Variants in GMEB2 observed in about 807,000 individuals in gnomAD.
GMEB2 encodes the protein glucocorticoid modulatory element-binding protein 2.
A neutral mutation model predicts 45.7 loss-of-function variants in GMEB2; 7 were observed. That is an observed-to-expected ratio of 0.15 (90% CI 0.09 to 0.29). The LOEUF is 0.29. Among genes scored for constraint, GMEB2 ranks in the 10% least tolerant of loss-of-function variants. The pLI is 1.00. For missense variants in GMEB2, 582 were observed against 739.2 expected, an observed-to-expected ratio of 0.79 and a Z score of 2.47; for synonymous variants, 322 against 323.6, an observed-to-expected ratio of 1.00 and a Z score of 0.05.
At chr20:63,610,456 G>C (rs186298154) in intron 2 of GMEB2, among the ~76,000 whole-genome samples, 156 of 152,294 alleles carry the variant, frequency 1.0e-3, no homozygotes, top group Middle Eastern at 6.8e-3. Flanking sequence ...GGGAGGTGGA[G>C]GTTACAGTGA....
In GMEB2 at chr20:63,619,419, C is replaced by T. The variant is rs1318546399; in HGVS notation, c.-22G>A. The T allele has an allele frequency of 1.2e-6, 2 of 1,605,152 alleles. No individual in the cohort carries two copies. Among genetic ancestry groups the T allele is most frequent in the East Asian group, 4.5e-5 (2 of 44,808 alleles). ...CCATGGCTCAGCGGAAGGGGACGCC[C>T]AGGCCAGCAGCGTCAGTCCTCCAGG... On this transcript the variant is annotated 5_prime_UTR_variant, in exon 2 of 10. Transcript: ENST00000370077. This position sits in a 1 kb window ranked among gnomAD's most constrained non-coding sequence, Gnocchi z 4.6.
At chr20:63,602,884 A>G (rs1216235441) in intron 4 of GMEB2, 81 bp downstream of exon 4, 8 of 1,311,026 alleles carry the variant, frequency 6.1e-6, no homozygotes, top group African/African-American at 2.9e-5. Flanking sequence ...CTCAGGATGC[A>G]CTCAGCACAG....
intron 2 of GMEB2, among the ~76,000 whole-genome samples, chr20:63,616,597 C>T (rs1010406538): frequency 2.6e-5 from 4 of 152,218 alleles, no homozygotes; most frequent in African/African-American, 7.2e-5. Flanking sequence ...GACTGAGAGG[C>T]GGAGGCTGGC....
At chr20:63,622,034 C>G (rs1454336413) in intron 1 of GMEB2, among the ~76,000 whole-genome samples, 1 of 151,956 alleles carries the variant, frequency 6.6e-6, no homozygotes, top group African/African-American at 2.4e-5. Context: ...GAGGCTGAGG[C>G]AGGAGGATCA....
rs755513563 is a variant in GMEB2 at position 63,604,749 on chromosome 20, C to T, written c.223G>A (p.Val75Met). ...FTASSQLKEA[V>M]LVKMAEEGEN... ...ACCTAGGACGGCTTCCTACCTAACA[C>T]GGCTTCCTTGAGCTGGGAGGAGGCT... Residue 75 changes from valine (V) to methionine (M), a missense_variant, in exon 3 of 10, where the codon GTG becomes ATG. By Grantham distance (21) the Val-to-Met change is conservative. Transcript: ENST00000370077. 8.1e-6 allele frequency: 13 copies of T among 1,595,364 alleles called. No homozygotes were observed. Among genetic ancestry groups the T allele is most frequent in the East Asian group, 6.7e-5 (3 of 44,798 alleles).
chr20:63,607,199 G>A (rs2089526749), intron 2 of GMEB2, among the ~76,000 whole-genome samples: 1 of 119,110 alleles, frequency 8.4e-6, no homozygotes, highest in Non-Finnish European at 1.7e-5. Context: ...ATGCCCCTCT[G>A]ACCCACCTCC....
chr20:63,591,851 C>T (rs1237409501), intron 9 of GMEB2, among the ~76,000 whole-genome samples, 171 bp downstream of exon 9: 1 of 152,250 alleles, frequency 6.6e-6, no homozygotes, highest in Non-Finnish European at 1.5e-5. Flanking sequence ...GTCTGACTAC[C>T]TCACTTAAGC....
intron 2 of GMEB2, among the ~76,000 whole-genome samples, chr20:63,611,810 GAGTTCAAGACTAGC>G (rs2089572828): frequency 6.6e-6 from 1 of 151,790 alleles, no homozygotes; most frequent in African/African-American, 2.4e-5. Context: ...TTGAGTCCAG[GAGTTCAAGACTAGC>G]TTGGGCAACA....
At chr20:63,596,826 T>C (rs2083203806) in intron 5 of GMEB2, among the ~76,000 whole-genome samples, 1 of 152,200 alleles carries the variant, frequency 6.6e-6, no homozygotes, top group Non-Finnish European at 1.5e-5. Flanking sequence ...GAGACCAGCC[T>C]GGACAATATG....
chr20:63,605,705 A>G (rs2089513566), intron 2 of GMEB2, among the ~76,000 whole-genome samples: 1 of 151,776 alleles, frequency 6.6e-6, no homozygotes, highest in Admixed American at 6.6e-5. Flanking sequence ...CTGTAATCCC[A>G]GTACTTTGGG....
chr20:63,619,143 T>A lies in GMEB2; in HGVS notation c.131+124A>T. The A allele has an allele frequency of 4.2e-6, 4 of 958,926 alleles. No individual in the cohort carries two copies. Among genetic ancestry groups the A allele is most frequent in the Non-Finnish European group, 6.0e-6 (4 of 670,604 alleles). The allele number at this position is 958,926 out of a possible 1,614,324, so 59.4% of individuals were successfully genotyped here. A position where few individuals can be genotyped will look rare whatever the true frequency, so the allele number is the denominator to read the frequency against. On this transcript the variant is annotated intron_variant, in intron 2 of 9. Transcript: ENST00000370077. This position sits in a 1 kb window ranked among gnomAD's most constrained non-coding sequence, Gnocchi z 4.6. ...TACTTACACACACATTTGAGTCCAG[T>A]CTCAGAAGAACTGGAACTAGAAAAA...
At chr20:63,606,474 A>G (rs1254882141) in intron 2 of GMEB2, among the ~76,000 whole-genome samples, 1 of 151,732 alleles carries the variant, frequency 6.6e-6, no homozygotes. Context: ...CAGCCTCCCG[A>G]GTAGCTGGGA....
Position 63,590,719 on chromosome 20 carries a change from C to A in GMEB2, c.963G>T (p.Gln321His). 1 of 1,509,680 alleles carries A rather than the reference C, an allele frequency of 6.6e-7. No homozygotes were observed. 93.5% of individuals were successfully genotyped at this position (1,509,680 alleles called of 1,614,324 possible). A position where few individuals can be genotyped will look rare whatever the true frequency, so the allele number is the denominator to read the frequency against. Residue 321 changes from glutamine to histidine, a missense_variant, in exon 10 of 10, where the codon CAG becomes CAT. By Grantham distance (24) the Gln-to-His change is conservative. Around this residue, in one of 3 missense-constraint regions of GMEB2, gnomAD observed 462 missense variants for 586.7 expected, o/e 0.79. Transcript: ENST00000370077. ...QYARDLAALE[Q>H]QCDEHRRRAK... Reference sequence around the variant, plus strand: ...CTCGGCGACGATGCTCATCACACTGCTGCTCCAGGGCTGCAGGGAGGTACA... The same window carrying A: ...CTCGGCGACGATGCTCATCACACTGATGCTCCAGGGCTGCAGGGAGGTACA...
At chr20:63,597,499 G>A (rs1334176927) in intron 5 of GMEB2, among the ~76,000 whole-genome samples, 1 of 152,068 alleles carries the variant, frequency 6.6e-6, no homozygotes, top group East Asian at 1.9e-4. Context: ...AGTCACAAGT[G>A]CCTTCAGGTA....
intron 2 of GMEB2, among the ~76,000 whole-genome samples, chr20:63,607,563 C>T (rs199989853): frequency 6.3e-4 from 15 of 23,882 alleles, no homozygotes; most frequent in Non-Finnish European, 9.5e-4. Context: ...TAGAAACATG[C>T]CCCTCTGACC....
intron 2 of GMEB2, among the ~76,000 whole-genome samples, chr20:63,610,230 C>T (rs1047908906): frequency 5.3e-5 from 8 of 152,186 alleles, no homozygotes; most frequent in African/African-American, 1.7e-4. Context: ...CTTAAAAACA[C>T]ACGCACACCA....
intron 1 of GMEB2, among the ~76,000 whole-genome samples, chr20:63,625,447 A>G (rs935077681): frequency 3.3e-5 from 5 of 151,938 alleles, no homozygotes; most frequent in African/African-American, 1.2e-4. Context: ...TGCTGGGATT[A>G]TAGGTGTGAG....
rs1219241123 is a variant in GMEB2, at chr20:63,592,266, C to T, written c.830-122G>A. ...CGTGGACGCTCGGTGAGAGCCTGGGCTCTTCCTAGAGAGTGAGAACACCAC... is the reference window on the plus strand; with the variant it reads ...CGTGGACGCTCGGTGAGAGCCTGGGTTCTTCCTAGAGAGTGAGAACACCAC... On this transcript the variant is annotated intron_variant, in intron 8 of 9. Transcript: ENST00000370077. This position sits in a 1 kb window ranked among gnomAD's most constrained non-coding sequence, Gnocchi z 8.2. 1.1e-6 allele frequency: 1 copy of T among 944,830 alleles called. No homozygotes were observed. The highest frequency in any genetic ancestry group is 1.6e-5 in the African/African-American group (1 of 60,624). The allele number at this position is 944,830 out of a possible 1,614,324, so 58.5% of individuals were successfully genotyped here.
intron 1 of GMEB2, among the ~76,000 whole-genome samples, chr20:63,625,512 A>G (rs2089664952): frequency 1.3e-5 from 2 of 152,214 alleles, no homozygotes; most frequent in East Asian, 3.9e-4. Flanking sequence ...AGACCCACCC[A>G]GCTTTGATCC....
Sources: allele counts gnomAD v4.1 joint callset (sites outside exome capture counted in the v4.1 genomes callset), GRCh38; gene constraint gnomAD v4.1.1; regional missense constraint gnomAD v4.1.1; non-coding constraint Gnocchi (gnomAD v3.1); transcripts MANE v1.5; gene names NCBI Gene and HGNC (gene_info 2026-07-23, HGNC 2026-07-21).